ANGPTL4: variants seen among roughly 807,000 people sequenced by gnomAD.
The protein encoded by ANGPTL4 is angiopoietin like 4.
ANGPTL4 carries 39 observed loss-of-function variants against 39.2 expected under a neutral mutation model. The observed-to-expected ratio is 1.00, with a 90% CI of 0.77 to 1.30. The LOEUF (loss-of-function observed/expected upper bound fraction) is 1.30, where lower values mean the gene tolerates loss of function less well. Ranked by LOEUF, ANGPTL4 falls within the 50% of genes most tolerant of loss-of-function variation. The probability of loss-of-function intolerance (pLI) is 0.00; values close to 1 mark genes in which losing one functional copy is unlikely to be tolerated. For synonymous variants in ANGPTL4, 233 were observed against 229.5 expected (o/e 1.02, Z -0.14); for missense variants, 545 against 549.8 (o/e 0.99, Z 0.09).
Position 8,364,402 on chromosome 19 carries a change from C to T in ANGPTL4, c.81C>T (p.Pro27=). The change falls in exon 1 of 7, where the codon CCC becomes CCT. Residue 27 remains proline (P), a synonymous_variant. Transcript: ENST00000301455. ...TAVLLSAQGG[P]VQSKSPRFAS... is the part of the protein sequence containing the mutation. ...TGCTACTGAGCGCTCAGGGCGGACC[C>T]GTGCAGTCCAAGTCGCCGCGCTTTG... 1 of 1,547,082 alleles carries T rather than the reference C, an allele frequency of 6.5e-7. No individual in the cohort carries two copies. Among genetic ancestry groups the T allele is most frequent in the Non-Finnish European group, 8.7e-7 (1 of 1,149,524 alleles).
Position 8,369,315 on chromosome 19 carries a change from A to G in ANGPTL4, c.644A>G (p.Asn215Ser). ...CAGGGGTCTCCGCCATTTTTGGTGA[A>G]CTGCAAGATGACCTCAGGTAGGGTG... is the stretch of plus-strand genomic sequence containing the variant. Reference protein sequence around the residue: ...QPQGSPPFLVNCKMTSDGGWT... With the variant: ...QPQGSPPFLVSCKMTSDGGWT... Residue 215 changes from asparagine (N) to serine (S), a missense_variant, in exon 4 of 7, where the codon AAC becomes AGC. Transcript: ENST00000301455. 1 of 1,611,898 alleles carries G rather than the reference A, an allele frequency of 6.2e-7. No homozygotes were observed.
At chr19:8,366,389 C>T (rs1347290414) in intron 3 of ANGPTL4, 70 bp downstream of exon 3, 3 of 1,507,008 alleles carry the variant, frequency 2.0e-6, no homozygotes, top group Non-Finnish European at 2.8e-6. Context: ...CTGGTCCTCT[C>T]CTTGTCAGGT....
Position 8,373,987 on chromosome 19 carries a change from G to A in ANGPTL4, c.*101G>A. On this transcript the variant is annotated 3_prime_UTR_variant, in exon 7 of 7. Transcript: ENST00000301455. Reference sequence around the variant, plus strand: ...TGCCTGGGCAGGGGCTCCAAGGAGGGGCCATCTGGAAACTTGTGGACAGAG... The same window carrying A: ...TGCCTGGGCAGGGGCTCCAAGGAGGAGCCATCTGGAAACTTGTGGACAGAG... 3 of 1,352,164 alleles carry A rather than the reference G, an allele frequency of 2.2e-6. No homozygotes were observed. Among genetic ancestry groups the A allele is most frequent in the Non-Finnish European group, 2.1e-6 (2 of 959,726 alleles). 83.8% of individuals were successfully genotyped at this position (1,352,164 alleles called of 1,614,324 possible). A position where few individuals can be genotyped will look rare whatever the true frequency, so the allele number is the denominator to read the frequency against.
chr19:8,373,871 A>G lies in ANGPTL4; in HGVS notation c.1206A>G (p.Ala402=), dbSNP rs3210980. The G allele has an allele frequency of 1.9e-6, 3 of 1,613,484 alleles. No individual in the cohort carries two copies. The highest frequency in any genetic ancestry group is 2.5e-6 in the Non-Finnish European group (3 of 1,180,042). Residue 402 remains alanine (A), a synonymous_variant, in exon 7 of 7, where the codon GCA becomes GCG. Coordinates refer to ENST00000301455, the MANE Select transcript of ANGPTL4 (RefSeq NM_139314.3). ...CCATGTTGATCCAGCCCATGGCAGCAGAGGCAGCCTCCTAGCGTCCTGGCT... is the reference window on the plus strand; with the variant it reads ...CCATGTTGATCCAGCCCATGGCAGCGGAGGCAGCCTCCTAGCGTCCTGGCT... ...ATTMLIQPMA[A]EAAS
In ANGPTL4 at chr19:8,371,779, G is replaced by A. The variant is rs1027276378; in HGVS notation, c.1039+257G>A. Among the ~76,000 whole-genome samples the A allele has an allele frequency of 2.6e-5, 4 of 152,008 alleles. No homozygotes were observed. Among genetic ancestry groups the A allele is most frequent in the African/African-American group, 9.7e-5 (4 of 41,394 alleles). ...TATTTATGTATTTATTTTTTGAGAC[G>A]GAGTCTCACTTTGTCACCCAGGCTG... is the stretch of plus-strand genomic sequence containing the variant. On this transcript the variant is annotated intron_variant, in intron 6 of 6. Transcript: ENST00000301455. The surrounding 1 kb of genome is among the most constrained non-coding windows in gnomAD (Gnocchi z 5.1).
At chr19:8,366,164 C>T (rs772487616) in intron 2 of ANGPTL4, 38 bp from the exon 3 acceptor site, 32 of 1,611,528 alleles carry the variant, frequency 2.0e-5, no homozygotes, top group Non-Finnish European at 2.6e-5. Flanking sequence ...GACGTGGGGC[C>T]AGGCAGGACC....
chr19:8,369,411 C>CA (rs1473956429), intron 4 of ANGPTL4, 79 bp downstream of exon 4: 2 of 1,061,396 alleles, frequency 1.9e-6, no homozygotes, highest in African/African-American at 1.6e-5. Flanking sequence ...CAAAACAAAA[C>CA]AAAAAAATTA....
chr19:8,370,989 G>C, intron 4 of ANGPTL4, 67 bp from the exon 5 acceptor site: 1 of 1,529,138 alleles, frequency 6.5e-7, no homozygotes, highest in Non-Finnish European at 8.9e-7. Context: ...GTGCTTGGCA[G>C]CCAGATGAGG....
At position 8,364,162 on chromosome 19, in the gene ANGPTL4, G is replaced by T; in HGVS notation, c.-160G>T. ...TCCTCGGGCGCGGCGGGGAGAAGCC[G>T]AGCTGAGCGGATCCTCACACGACTG... On this transcript the variant is annotated 5_prime_UTR_variant, in exon 1 of 7. Transcript: ENST00000301455. 1.3e-6 allele frequency: 1 copy of T among 770,780 alleles called. No individual in the cohort carries two copies. Among genetic ancestry groups the T allele is most frequent in the Non-Finnish European group, 2.0e-6 (1 of 500,342 alleles). The allele number at this position is 770,780 out of a possible 1,614,324, so 47.7% of individuals were successfully genotyped here. A position where few individuals can be genotyped will look rare whatever the true frequency, so the allele number is the denominator to read the frequency against.
In ANGPTL4 at chr19:8,371,100, G is replaced by T; in HGVS notation, c.706G>T (p.Asp236Tyr). The T allele has an allele frequency of 6.2e-7, 1 of 1,610,466 alleles. No homozygotes were observed. Among genetic ancestry groups the T allele is most frequent in the Non-Finnish European group, 8.5e-7 (1 of 1,178,360 alleles). ...TCAGAGGCGCCACGATGGCTCAGTG[G>T]ACTTCAACCGGCCCTGGGAAGCCTA... ...VIQRRHDGSV[D>Y]FNRPWEAYKA... The change falls in exon 5 of 7, where the codon GAC (aspartate) becomes TAC (tyrosine). Residue 236 changes from aspartate to tyrosine, a missense_variant. By Grantham distance (160) the Asp-to-Tyr change is radical. Coordinates refer to ENST00000301455, the MANE Select transcript of ANGPTL4 (RefSeq NM_139314.3). This position sits in a 1 kb window ranked among gnomAD's most constrained non-coding sequence, Gnocchi z 5.1.
At position 8,364,204 on chromosome 19, in the gene ANGPTL4, A is replaced by G; in HGVS notation, c.-118A>G. 9.4e-7 allele frequency: 1 copy of G among 1,060,558 alleles called. No individual in the cohort carries two copies. Among genetic ancestry groups the G allele is most frequent in the Non-Finnish European group, 1.3e-6 (1 of 746,540 alleles). The allele number at this position is 1,060,558 out of a possible 1,614,324, so 65.7% of individuals were successfully genotyped here. ...ACACGACTGTGATCCGATTCTTTCC[A>G]GCGGCTTCTGCAACCAAGCGGGTCT... On this transcript the variant is annotated 5_prime_UTR_variant, in exon 1 of 7. Coordinates refer to ENST00000301455, the MANE Select transcript of ANGPTL4 (RefSeq NM_139314.3).
chr19:8,369,105 T>A (rs1164008263), intron 3 of ANGPTL4, 114 bp from the exon 4 acceptor site: 2 of 750,368 alleles, frequency 2.7e-6, no homozygotes, highest in Non-Finnish European at 4.6e-6. Flanking sequence ...TGAGATAAGA[T>A]TTGCCTTTTA....
At chr19:8,370,436 A>C (rs954685956) in intron 4 of ANGPTL4, among the ~76,000 whole-genome samples, 10 of 151,984 alleles carry the variant, frequency 6.6e-5, no homozygotes, top group Non-Finnish European at 1.3e-4. Context: ...ACAAAGGCTG[A>C]GCACGGTGGC....
chr19:8,366,967 T>TTTATTCCCAAATCTC (rs1555687374), intron 3 of ANGPTL4, among the ~76,000 whole-genome samples: 3 of 146,876 alleles, frequency 2.0e-5, no homozygotes, highest in Non-Finnish European at 4.5e-5. Flanking sequence ...TCCGTTCATC[T>TTTATTCCCAAATCTC]CGAACCACAG....
chr19:8,368,585 G>A (rs1032686261), intron 3 of ANGPTL4, among the ~76,000 whole-genome samples: 7 of 152,142 alleles, frequency 4.6e-5, no homozygotes, highest in Non-Finnish European at 7.3e-5. Context: ...CCCGCCGGGC[G>A]CAGTGGTTCA....
chr19:8,373,104 A>T (rs141476988), intron 6 of ANGPTL4, among the ~76,000 whole-genome samples: 22 of 152,176 alleles, frequency 1.4e-4, no homozygotes, highest in African/African-American at 4.8e-4. Flanking sequence ...CCCTGTCTCT[A>T]CTAAAAATAC....
intron 3 of ANGPTL4, among the ~76,000 whole-genome samples, chr19:8,366,878 G>A (rs1476258175): frequency 6.0e-5 from 5 of 83,978 alleles, no homozygotes; most frequent in Admixed American, 1.3e-4. Flanking sequence ...CTCCCTCCCC[G>A]CCCCCGCCGG....
rs1971124491 is a variant in ANGPTL4, at chr19:8,371,702, A to G, written c.1039+180A>G. Among the ~76,000 whole-genome samples the G allele has an allele frequency of 6.6e-6, 1 of 152,100 alleles. No individual in the cohort carries two copies. The highest frequency in any genetic ancestry group is 6.6e-5 in the Admixed American group (1 of 15,260). On this transcript the variant is annotated intron_variant, in intron 6 of 6. Transcript: ENST00000301455. This position sits in a 1 kb window ranked among gnomAD's most constrained non-coding sequence, Gnocchi z 5.1. ...CTGGCCTCAGTTTTCCCATCCTGAA[A>G]AGGGTCTTGACCGTCTTTACTTTTA... is the stretch of plus-strand genomic sequence containing the variant.
At position 8,371,767 on chromosome 19, in the gene ANGPTL4, A is replaced by AT. The variant is rs1971126102; in HGVS notation, c.1039+251dup. ...TGTTTATTTATTTATTTATGTATTT[A>AT]TTTTTTGAGACGGAGTCTCACTTTG... On this transcript the variant is annotated intron_variant, in intron 6 of 6. Transcript: ENST00000301455. The surrounding 1 kb of genome is among the most constrained non-coding windows in gnomAD (Gnocchi z 5.1). 6.6e-6 allele frequency among the ~76,000 whole-genome samples: 1 copy of AT among 151,856 alleles called. No homozygotes were observed. The highest frequency in any genetic ancestry group is 2.4e-5 in the African/African-American group (1 of 41,340).
Sources: gnomAD v4.1 joint callset for allele counts (sites outside exome capture counted in the v4.1 genomes callset) on GRCh38, gnomAD v4.1.1 for gene constraint, Gnocchi (gnomAD v3.1) non-coding constraint, MANE v1.5 for transcripts, NCBI Gene and HGNC (gene_info 2026-07-23, HGNC 2026-07-21) for gene names.